LRRC7: variants seen among roughly 807,000 people sequenced by gnomAD.
LRRC7 encodes the protein leucine-rich repeat-containing protein 7.
LRRC7 carries 23 observed loss-of-function variants against 175.7 expected under a neutral mutation model. The observed-to-expected ratio is 0.13, with a 90% confidence interval of 0.09 to 0.19. LRRC7 has a LOEUF of 0.19. Ranked by LOEUF, LRRC7 falls within the 10% of genes least tolerant of loss-of-function variation. The pLI, the probability that LRRC7 is intolerant of heterozygous loss-of-function variation, is 1.00. For missense variants in LRRC7, 1,354 were observed against 1,904.7 expected (o/e 0.71, Z 5.38); for synonymous variants, 685 against 680.9 (o/e 1.01, Z -0.09).
Position 70,132,723 on chromosome 1 carries a change from G to A in LRRC7, c.*10836G>A, listed in dbSNP as rs976876602. 1.3e-5 allele frequency among the ~76,000 whole-genome samples: 2 copies of A among 151,838 alleles called. No homozygotes were observed. Among genetic ancestry groups the A allele is most frequent in the African/African-American group, 4.8e-5 (2 of 41,356 alleles). On this transcript the variant is annotated 3_prime_UTR_variant, in exon 27 of 27. Coordinates refer to ENST00000651989, the MANE Select transcript of LRRC7 (RefSeq NM_001370785.2). ...CCTGACCTCGTGATCCACCTGCCTC[G>A]GACTCCCAAAGTACGGGGATTACAG...
intron 24 of LRRC7, among the ~76,000 whole-genome samples, chr1:70,082,637 G>A (rs1285611155): frequency 3.9e-5 from 6 of 151,914 alleles, no homozygotes; most frequent in Non-Finnish European, 8.8e-5. Context: ...GAAATGAAAT[G>A]ACTAATCTTT....
At position 69,938,995 on chromosome 1, in the gene LRRC7, T is replaced by TTATATATATATATA. The variant is rs71583104; in HGVS notation, c.711+7431_711+7444dup. Among the ~76,000 whole-genome samples, 31 of 97,544 alleles carry TTATATATATATATA rather than the reference T, an allele frequency of 3.2e-4. 1 individual carries two copies. The highest frequency in any genetic ancestry group is 8.7e-4 in the African/African-American group (22 of 25,298). The allele number at this position is 97,544 out of a possible 152,430, so 64.0% of individuals were successfully genotyped here. A position where few individuals can be genotyped will look rare whatever the true frequency, so the allele number is the denominator to read the frequency against. ...TTTGTAAAGCCACTAAGGCTGTAGATTATATATATATATATATATCTATAT... is the reference window on the plus strand; with the variant it reads ...TTTGTAAAGCCACTAAGGCTGTAGATTATATATATATATATATATATATATATATATATCTATAT... On this transcript the variant is annotated intron_variant, in intron 8 of 26. Transcript: ENST00000651989.
intron 1 of LRRC7, among the ~76,000 whole-genome samples, chr1:69,653,341 T>C (rs1235841569): frequency 1.4e-5 from 2 of 147,506 alleles, no homozygotes; most frequent in African/African-American, 5.1e-5. Context: ...GGCACAATTT[T>C]TTCCAAAAAG....
At chr1:69,718,119 A>AAGAGAGAG (rs1439143524) in intron 2 of LRRC7, among the ~76,000 whole-genome samples, 1 of 79,798 alleles carries the variant, frequency 1.3e-5, no homozygotes, top group African/African-American at 6.6e-5. Flanking sequence ...AAAAGAAAGA[A>AAGAGAGAG]AGAAAGAAAA....
intron 7 of LRRC7, among the ~76,000 whole-genome samples, chr1:69,872,856 C>A (rs559854262): frequency 7.2e-5 from 11 of 152,202 alleles, no homozygotes; most frequent in African/African-American, 2.4e-4. Flanking sequence ...TCATTGGTGT[C>A]TTTCAATGAT....
chr1:69,962,650 A>G (rs1352026764), intron 8 of LRRC7, among the ~76,000 whole-genome samples: 1 of 152,234 alleles, frequency 6.6e-6, no homozygotes, highest in Non-Finnish European at 1.5e-5. Context: ...GCAGCCATAA[A>G]AAAGAGCAAG....
At chr1:69,640,588 T>C (rs1023957849) in intron 1 of LRRC7, among the ~76,000 whole-genome samples, 6 of 150,710 alleles carry the variant, frequency 4.0e-5, no homozygotes, top group African/African-American at 1.5e-4. Flanking sequence ...AAATAAATAT[T>C]TTGTTATATT....
At chr1:70,067,483 A>G (rs1371009040) in intron 23 of LRRC7, among the ~76,000 whole-genome samples, 1 of 152,028 alleles carries the variant, frequency 6.6e-6, no homozygotes. Context: ...TCATTAGTCT[A>G]TGTGTCTATC....
At chr1:69,650,075 G>C (rs1251035066) in intron 1 of LRRC7, among the ~76,000 whole-genome samples, 1 of 152,048 alleles carries the variant, frequency 6.6e-6, no homozygotes, top group Admixed American at 6.6e-5. Context: ...TTCTTCTAAT[G>C]AAACTCAAGG....
chr1:70,023,378 G>A lies in LRRC7; in HGVS notation c.1794+4G>A. The A allele has an allele frequency of 6.4e-7, 1 of 1,569,164 alleles. No homozygotes were observed. The highest frequency in any genetic ancestry group is 1.2e-5 in the South Asian group (1 of 83,332). Reference sequence around the variant, plus strand: ...TCCCTCTCTAAGTGGCAGACAGGTAGGCCTAGGTGTCTGGGGTAGGAGAAT... The same window carrying A: ...TCCCTCTCTAAGTGGCAGACAGGTAAGCCTAGGTGTCTGGGGTAGGAGAAT... On this transcript the variant is annotated splice_donor_region_variant and intron_variant, in intron 17 of 26. Coordinates refer to ENST00000651989, the MANE Select transcript of LRRC7 (RefSeq NM_001370785.2).
intron 3 of LRRC7, among the ~76,000 whole-genome samples, chr1:69,780,043 C>T (rs1260958501): frequency 1.3e-5 from 2 of 152,192 alleles, no homozygotes; most frequent in East Asian, 1.9e-4. Flanking sequence ...ACTAACAGTG[C>T]TTTCATGAAG....
chr1:70,143,823 CTTAAA>C lies in LRRC7; in HGVS notation c.*21940_*21944del, dbSNP rs558740099. On this transcript the variant is annotated 3_prime_UTR_variant, in exon 27 of 27. Transcript: ENST00000651989. ...ATTTTGAGATAATTGTGATTTTGAG[CTTAAA>C]TTATATATAAAAAATTGTCATTTTT... is the stretch of plus-strand genomic sequence containing the variant. 4.5e-3 allele frequency: 687 copies of C among 152,132 alleles called. 6 individuals carry two copies. The highest frequency in any genetic ancestry group is 0.016 in the African/African-American group (674 of 41,484). 9.4% of individuals were successfully genotyped at this position (152,132 alleles called of 1,614,324 possible). A position where few individuals can be genotyped will look rare whatever the true frequency, so the allele number is the denominator to read the frequency against.
At chr1:69,803,340 G>C (rs1288878852) in intron 4 of LRRC7, among the ~76,000 whole-genome samples, 18 of 151,342 alleles carry the variant, frequency 1.2e-4, no homozygotes, top group Non-Finnish European at 2.7e-4. Context: ...ATTAATTTGG[G>C]AAGTGTTGAT....
chr1:70,097,052 C>T (rs1034846421), intron 25 of LRRC7, among the ~76,000 whole-genome samples: 99 of 152,164 alleles, frequency 6.5e-4, no homozygotes, highest in African/African-American at 2.2e-3. Context: ...TTAACCTATG[C>T]CTTTTTAAAA....
intron 10 of LRRC7, 132 bp from the exon 11 acceptor site, chr1:69,994,429 G>T: frequency 1.4e-6 from 1 of 697,780 alleles, no homozygotes; most frequent in East Asian, 2.6e-5. Context: ...AGTTTTATGA[G>T]TGTGTATTAG....
At chr1:70,007,928 C>T (rs995390484) in intron 11 of LRRC7, among the ~76,000 whole-genome samples, 1 of 152,046 alleles carries the variant, frequency 6.6e-6, no homozygotes, top group Non-Finnish European at 1.5e-5. Context: ...GCAACTATTT[C>T]TTGTATGATT....
intron 3 of LRRC7, among the ~76,000 whole-genome samples, chr1:69,779,001 TATATACAC>T (rs1673167814): frequency 7.5e-6 from 1 of 132,548 alleles, no homozygotes; most frequent in Admixed American, 7.9e-5. Context: ...TATATACACA[TATATACAC>T]ACACACAAAC....
At chr1:69,924,719 T>C (rs1370984105) in intron 7 of LRRC7, among the ~76,000 whole-genome samples, 1 of 152,214 alleles carries the variant, frequency 6.6e-6, no homozygotes, top group Admixed American at 6.5e-5. Context: ...TGGGGTTTCC[T>C]AGATATACAA....
chr1:69,966,267 A>G (rs2101856056), intron 8 of LRRC7, among the ~76,000 whole-genome samples: 1 of 152,304 alleles, frequency 6.6e-6, no homozygotes, highest in East Asian at 1.9e-4. Flanking sequence ...TTTTAATTTT[A>G]AAACAGGTTT....
Sources: gnomAD v4.1 joint callset for allele counts (sites outside exome capture counted in the v4.1 genomes callset) on GRCh38, gnomAD v4.1.1 for gene constraint, MANE v1.5 for transcripts, NCBI Gene and HGNC (gene_info 2026-07-23, HGNC 2026-07-21) for gene names.